LRRC31: variants seen among roughly 807,000 people sequenced by gnomAD.
The protein encoded by LRRC31 is leucine-rich repeat-containing protein 31.
Under a neutral mutation model 46.7 loss-of-function variants are expected in LRRC31, and 35 were observed. That is an observed-to-expected ratio of 0.75 (90% CI 0.57 to 0.99). The LOEUF (loss-of-function observed/expected upper bound fraction) is 0.99. Ranked by LOEUF, LRRC31 falls within the 50% of genes least tolerant of loss-of-function variation. LRRC31 has a pLI of 0.00. For synonymous variants in LRRC31, 236 were observed against 235.1 expected (o/e 1.00, Z -0.03); for missense variants, 613 against 626.1 (o/e 0.98, Z 0.22).
chr3:169,868,767 A>G (rs1781405623), intron 1 of LRRC31, among the ~76,000 whole-genome samples: 1 of 152,226 alleles, frequency 6.6e-6, no homozygotes, highest in South Asian at 2.1e-4. Context: ...TGTAAGTAAC[A>G]TAATAAATGA....
At chr3:169,850,664 GT>G (rs1257294297) in intron 7 of LRRC31, among the ~76,000 whole-genome samples, 2 of 152,148 alleles carry the variant, frequency 1.3e-5, no homozygotes, top group African/African-American at 4.8e-5. Flanking sequence ...CAGTTTCCTT[GT>G]CTGCAAAATA....
At chr3:169,841,446 G>A (rs16854453) in intron 8 of LRRC31, among the ~76,000 whole-genome samples, 38,298 of 152,064 alleles carry the variant, frequency 0.25, 5,515 homozygotes, top group East Asian at 0.62. Context: ...ATTCCACAGT[G>A]AATTTGAGAG....
intron 1 of LRRC31, among the ~76,000 whole-genome samples, chr3:169,866,747 G>A (rs909726915): frequency 6.6e-6 from 1 of 152,056 alleles, no homozygotes; most frequent in Non-Finnish European, 1.5e-5. Context: ...ATCACCTAAG[G>A]TCAGGACTTC....
intron 1 of LRRC31, among the ~76,000 whole-genome samples, chr3:169,866,264 C>A (rs1781329651): frequency 6.6e-6 from 1 of 152,044 alleles, no homozygotes; most frequent in African/African-American, 2.4e-5. Flanking sequence ...GAGAGCTAGG[C>A]AGCAGCAATG....
chr3:169,849,456 A>T (rs527645494), intron 7 of LRRC31, among the ~76,000 whole-genome samples: 1 of 152,340 alleles, frequency 6.6e-6, no homozygotes. Flanking sequence ...TTCCTTTAAA[A>T]AAAAAATATT....
At position 169,851,754 on chromosome 3, in the gene LRRC31, C is replaced by T. The variant is rs746067420; in HGVS notation, c.1024G>A (p.Glu342Lys). 6.3e-5 allele frequency: 102 copies of T among 1,614,044 alleles called. No individual in the cohort carries two copies. Among genetic ancestry groups the T allele is most frequent in the Non-Finnish European group, 1.3e-5 (15 of 1,180,034 alleles). Residue 342 changes from glutamate to lysine, a missense_variant, in exon 7 of 9, where the codon GAA (glutamate) becomes AAA (lysine). Physicochemically the swap from Glu to Lys is moderately conservative, Grantham distance 56 (BLOSUM62 1). Coordinates refer to ENST00000316428, the MANE Select transcript of LRRC31 (RefSeq NM_024727.4). ...TTTTTGTTGGCTGATAAATCCAATT[C>T]TTGAAGATTTGAAAGTAAAGGAATG... The part of the protein sequence containing the change: ...QVIPLLSNLQ[E>K]LDLSANKKMG...
intron 1 of LRRC31, among the ~76,000 whole-genome samples, chr3:169,866,048 A>C (rs955023453): frequency 1.3e-5 from 2 of 152,186 alleles, no homozygotes; most frequent in Non-Finnish European, 2.9e-5. Flanking sequence ...CCAATATCCA[A>C]CTGATCACTA....
chr3:169,853,588 A>G (rs886980811), intron 6 of LRRC31: 2 of 985,862 alleles, frequency 2.0e-6, no homozygotes, highest in Non-Finnish European at 2.4e-6. Flanking sequence ...CTTCCTAGGT[A>G]TGACGCTCAG....
chr3:169,861,907 A>G (rs912719278), intron 1 of LRRC31, 94 bp from the exon 2 acceptor site: 3 of 1,293,792 alleles, frequency 2.3e-6, no homozygotes, highest in Admixed American at 2.2e-5. Context: ...AGACTGCATA[A>G]CTCTGAATTG....
chr3:169,845,666 A>C (rs2108201507), intron 8 of LRRC31, among the ~76,000 whole-genome samples: 1 of 152,338 alleles, frequency 6.6e-6, no homozygotes, highest in African/African-American at 2.4e-5. Context: ...CAAAAATATT[A>C]ACCTCTACCC....
In LRRC31 at chr3:169,856,829, C is replaced by G. The variant is rs770084610; in HGVS notation, c.531G>C (p.Leu177Phe). The G allele has an allele frequency of 3.1e-6, 5 of 1,609,150 alleles. No individual in the cohort carries two copies. The Admixed American group carries it at 8.4e-5, about 27-fold the overall frequency. The change falls in exon 4 of 9, where the codon TTG becomes TTC. Residue 177 changes from leucine to phenylalanine, a missense_variant. Transcript: ENST00000316428. ...EMIPELEELNLSWNSKVGGNL... is the reference protein window; with the variant it reads ...EMIPELEELNFSWNSKVGGNL... ...TTCCTCCCACTTTACTGTTCCAAGA[C>G]AAATTTAGCTCTTCAAGTTCAGGAA...
intron 8 of LRRC31, among the ~76,000 whole-genome samples, chr3:169,844,742 A>G (rs767485016): frequency 2.0e-4 from 30 of 152,182 alleles, no homozygotes; most frequent in Non-Finnish European, 3.7e-4. Flanking sequence ...GACTATCCTG[A>G]CCAACATGGT....
At position 169,869,923 on chromosome 3, in the gene LRRC31, C is replaced by G; in HGVS notation, c.-116G>C. On this transcript the variant is annotated 5_prime_UTR_variant, in exon 1 of 9. Coordinates refer to ENST00000316428, the MANE Select transcript of LRRC31 (RefSeq NM_024727.4). ...AGCCTGTGTTCAATCAAAATATCCTCCCCTACATGACTGCCCCCCACTCCC... is the reference window on the plus strand; with the variant it reads ...AGCCTGTGTTCAATCAAAATATCCTGCCCTACATGACTGCCCCCCACTCCC... 1 of 888,588 alleles carries G rather than the reference C, an allele frequency of 1.1e-6. No homozygotes were observed. The highest frequency in any genetic ancestry group is 3.2e-5 in the Admixed American group (1 of 30,848). 55.0% of individuals were successfully genotyped at this position (888,588 alleles called of 1,614,324 possible). A position where few individuals can be genotyped will look rare whatever the true frequency, so the allele number is the denominator to read the frequency against.
At chr3:169,860,465 C>A in intron 3 of LRRC31, 96 bp downstream of exon 3, 2 of 1,273,042 alleles carry the variant, frequency 1.6e-6, no homozygotes, top group Non-Finnish European at 2.3e-6. Context: ...TGAGCTCAGG[C>A]AATCCGCCAG....
chr3:169,863,888 A>G (rs1306252465), intron 1 of LRRC31, among the ~76,000 whole-genome samples: 1 of 152,178 alleles, frequency 6.6e-6, no homozygotes, highest in Non-Finnish European at 1.5e-5. Flanking sequence ...AGTACAGGAC[A>G]TTTTGTCTAA....
intron 1 of LRRC31, among the ~76,000 whole-genome samples, chr3:169,868,713 T>C (rs1380010015): frequency 2.6e-5 from 4 of 152,230 alleles, no homozygotes; most frequent in Non-Finnish European, 5.9e-5. Context: ...AGTGTTATAT[T>C]GCTTTTAACA....
chr3:169,865,530 C>T (rs192902583), intron 1 of LRRC31, among the ~76,000 whole-genome samples: 3 of 152,248 alleles, frequency 2.0e-5, no homozygotes, highest in East Asian at 1.9e-4. Context: ...CCAAAACTCT[C>T]GACACTCATA....
chr3:169,861,182 C>CTT (rs1781140489), intron 2 of LRRC31, among the ~76,000 whole-genome samples: 1 of 150,500 alleles, frequency 6.6e-6, no homozygotes, highest in African/African-American at 2.4e-5. Context: ...TAATTCTCTG[C>CTT]CTCAGCCTCC....
At chr3:169,865,024 C>T (rs979247217) in intron 1 of LRRC31, among the ~76,000 whole-genome samples, 8 of 151,746 alleles carry the variant, frequency 5.3e-5, no homozygotes, top group African/African-American at 1.5e-4. Context: ...TTGCGTGAGC[C>T]GAGATTGTCC....
Sources: allele counts gnomAD v4.1 joint callset (sites outside exome capture counted in the v4.1 genomes callset), GRCh38; gene constraint gnomAD v4.1.1; transcripts MANE v1.5; gene names NCBI Gene and HGNC (gene_info 2026-07-23, HGNC 2026-07-21).